LEMD3: variants seen among roughly 807,000 people sequenced by gnomAD.
The protein encoded by LEMD3 is LEM domain containing 3.
LEMD3 carries 33 observed loss-of-function variants against 95.2 expected under a neutral mutation model. That is an observed-to-expected ratio of 0.35 (90% CI 0.26 to 0.46). The LOEUF (loss-of-function observed/expected upper bound fraction) is 0.46, where lower values mean the gene tolerates loss of function less well. LEMD3 is among the 20% of genes least tolerant of loss of function. The pLI is 1.00. For synonymous variants in LEMD3, 525 were observed against 474.6 expected (o/e 1.11, Z -1.38); for missense variants, 1,210 against 1,192.8 (o/e 1.01, Z -0.21).
rs201086584 is a variant in LEMD3 at position 65,205,365 on chromosome 12, T to C, written c.1523-5561T>C. ...AGCAAGTGTGAGACTTTCAGATGAT[T>C]ACAAGGTTGAAAGAGACCATAATTT... is the stretch of plus-strand genomic sequence containing the variant. On this transcript the variant is annotated intron_variant, in intron 1 of 12. Coordinates refer to ENST00000308330, the MANE Select transcript of LEMD3 (RefSeq NM_014319.5). 2.4e-4 allele frequency among the ~76,000 whole-genome samples: 37 copies of C among 152,284 alleles called. No homozygotes were observed. The East Asian group carries it at 6.8e-3, about 28-fold the overall frequency.
intron 4 of LEMD3, among the ~76,000 whole-genome samples, chr12:65,229,668 T>C (rs567289471): frequency 6.6e-6 from 1 of 152,282 alleles, no homozygotes; most frequent in South Asian, 2.1e-4. Context: ...CTGTTGGTTG[T>C]TTGTATGTCT....
intron 1 of LEMD3, among the ~76,000 whole-genome samples, chr12:65,174,620 A>C (rs78803680): frequency 3.0e-3 from 463 of 152,256 alleles, no homozygotes; most frequent in Admixed American, 8.7e-3. Flanking sequence ...GACCTTTCTT[A>C]GTATTTTTCA....
chr12:65,179,875 TA>T (rs1198178249), intron 1 of LEMD3, among the ~76,000 whole-genome samples: 2 of 152,236 alleles, frequency 1.3e-5, no homozygotes, highest in African/African-American at 4.8e-5. Flanking sequence ...GAAATTGTTA[TA>T]ACAGTTATTT....
chr12:65,172,669 A>G (rs1256456449), intron 1 of LEMD3, among the ~76,000 whole-genome samples: 1 of 152,094 alleles, frequency 6.6e-6, no homozygotes, highest in Non-Finnish European at 1.5e-5. Flanking sequence ...GACATTACCT[A>G]TCAGCAGTAG....
intron 12 of LEMD3, 80 bp downstream of exon 12, chr12:65,246,019 G>T: frequency 1.5e-6 from 2 of 1,335,436 alleles, no homozygotes; most frequent in Admixed American, 1.8e-5. Flanking sequence ...TCAAATAAAA[G>T]AATTTAGGTT....
intron 1 of LEMD3, among the ~76,000 whole-genome samples, chr12:65,189,151 A>G (rs542326711): frequency 1.2e-4 from 19 of 152,330 alleles, no homozygotes; most frequent in Admixed American, 1.0e-3. Context: ...AGTTATGCGA[A>G]TATGGTCTCT....
intron 1 of LEMD3, among the ~76,000 whole-genome samples, chr12:65,183,994 A>G (rs922446346): frequency 3.3e-5 from 5 of 152,138 alleles, no homozygotes; most frequent in Admixed American, 2.0e-4. Context: ...CTCAGCTCCT[A>G]TTGGCAAAAG....
chr12:65,171,254 A>C (rs922384745), intron 1 of LEMD3, 136 bp downstream of exon 1: 1 of 1,456,228 alleles, frequency 6.9e-7, no homozygotes. Flanking sequence ...CAGTGCGTGC[A>C]TGTGTCATCT....
At chr12:65,241,885 T>C (rs541321504) in intron 9 of LEMD3, among the ~76,000 whole-genome samples, 1 of 152,282 alleles carries the variant, frequency 6.6e-6, no homozygotes, top group African/African-American at 2.4e-5. Flanking sequence ...GGCATAAAAG[T>C]GATGCTCTGT....
At chr12:65,180,631 G>T (rs189655734) in intron 1 of LEMD3, among the ~76,000 whole-genome samples, 16 of 152,180 alleles carry the variant, frequency 1.1e-4, no homozygotes, top group Non-Finnish European at 5.9e-5. Context: ...TTATGTCAAG[G>T]TATAGTTTAA....
intron 1 of LEMD3, among the ~76,000 whole-genome samples, chr12:65,174,254 T>C (rs1479873752): frequency 6.6e-6 from 1 of 152,166 alleles, no homozygotes; most frequent in Non-Finnish European, 1.5e-5. Context: ...TCCTCATCTA[T>C]AAAACTAGGG....
chr12:65,219,276 G>A (rs888395259), intron 4 of LEMD3, among the ~76,000 whole-genome samples: 2 of 152,112 alleles, frequency 1.3e-5, no homozygotes, highest in African/African-American at 2.4e-5. Context: ...AATACTAAGA[G>A]AACTTGCTGT....
chr12:65,191,992 T>C lies in LEMD3; in HGVS notation c.1523-18934T>C, dbSNP rs544565707. On this transcript the variant is annotated intron_variant, in intron 1 of 12. Transcript: ENST00000308330. ...ATTTTGGGAAAGTTTGTCAAAAATA[T>C]CAGAGGTTTAAAAATACTTGATTAA... 3.5e-5 allele frequency among the ~76,000 whole-genome samples: 5 copies of C among 142,730 alleles called. No homozygotes were observed. The East Asian group carries it at 1.1e-3, about 31-fold the overall frequency. 93.6% of individuals were successfully genotyped at this position (142,730 alleles called of 152,430 possible). A position where few individuals can be genotyped will look rare whatever the true frequency, so the allele number is the denominator to read the frequency against.
chr12:65,218,420 G>A (rs1013529568), intron 3 of LEMD3, 132 bp from the exon 4 acceptor site: 1 of 492,566 alleles, frequency 2.0e-6, no homozygotes, highest in Non-Finnish European at 3.6e-6. Context: ...TATTGTTCAT[G>A]TTCTTTCTTT....
intron 8 of LEMD3, 95 bp downstream of exon 8, chr12:65,240,333 C>T (rs563637623): frequency 1.1e-6 from 1 of 929,116 alleles, no homozygotes; most frequent in Non-Finnish European, 1.8e-6. Flanking sequence ...CCCTTCTCAA[C>T]TAGACTTGCT....
chr12:65,227,774 G>C (rs998746021), intron 4 of LEMD3, among the ~76,000 whole-genome samples: 16 of 136,170 alleles, frequency 1.2e-4, no homozygotes, highest in African/African-American at 4.2e-4. Flanking sequence ...TGTTGTTAAT[G>C]TATTTTTTGT....
chr12:65,233,330 T>C (rs138246135), intron 4 of LEMD3, among the ~76,000 whole-genome samples: 8 of 152,286 alleles, frequency 5.3e-5, no homozygotes, highest in Middle Eastern at 3.4e-3. Context: ...TCTGAAAAAG[T>C]GGTCAAAGTA....
intron 4 of LEMD3, among the ~76,000 whole-genome samples, chr12:65,226,034 G>T (rs1870439044): frequency 6.6e-6 from 1 of 152,178 alleles, no homozygotes; most frequent in African/African-American, 2.4e-5. Flanking sequence ...TTCCTCCCCA[G>T]GGAGAAGCCA....
chr12:65,230,724 C>G (rs1870599887), intron 4 of LEMD3, among the ~76,000 whole-genome samples: 1 of 152,164 alleles, frequency 6.6e-6, no homozygotes, highest in South Asian at 2.1e-4. Flanking sequence ...TTTCTCCTTT[C>G]CAATTTGGAT....
Sources: gnomAD v4.1 joint callset for allele counts (sites outside exome capture counted in the v4.1 genomes callset) on GRCh38, gnomAD v4.1.1 for gene constraint, MANE v1.5 for transcripts, NCBI Gene and HGNC (gene_info 2026-07-23, HGNC 2026-07-21) for gene names.